The following EIF3D variants were observed in gnomAD, a reference collection of about 807,000 sequenced individuals.
EIF3D encodes eukaryotic translation initiation factor 3 subunit D.
In EIF3D, 10 loss-of-function variants were observed where a neutral mutation model predicts 75.4. The ratio of observed to expected loss-of-function variants is 0.13; its 90% CI spans 0.08 to 0.22. The LOEUF (loss-of-function observed/expected upper bound fraction) is 0.22. Ranked by LOEUF, EIF3D falls within the 10% of genes least tolerant of loss-of-function variation. The pLI is 1.00. For missense variants in EIF3D, 394 were observed against 708.0 expected (o/e 0.56, Z 5.03); for synonymous variants, 246 against 248.3 (o/e 0.99, Z 0.09).
At chr22:36,527,433 G>A (rs6000298) in intron 1 of EIF3D, among the ~76,000 whole-genome samples, 2 of 152,146 alleles carry the variant, frequency 1.3e-5, no homozygotes, top group African/African-American at 4.8e-5. Flanking sequence ...AACCGGCGCT[G>A]TATAGCAGAT....
chr22:36,528,229 A>G (rs1934637266), intron 1 of EIF3D, among the ~76,000 whole-genome samples: 1 of 152,026 alleles, frequency 6.6e-6, no homozygotes, highest in Admixed American at 6.6e-5. Flanking sequence ...TTTCCATTAT[A>G]TTACAGCTGG....
intron 9 of EIF3D, 103 bp downstream of exon 9, chr22:36,518,660 G>A: frequency 6.9e-7 from 1 of 1,448,506 alleles, no homozygotes; most frequent in Non-Finnish European, 9.4e-7. Flanking sequence ...AATTCCCTTG[G>A]GAAGACAGAC....
intron 14 of EIF3D, chr22:36,511,261 T>A: frequency 1.2e-6 from 1 of 860,992 alleles, no homozygotes; most frequent in Non-Finnish European, 1.7e-6. Context: ...ACTTCCCTCA[T>A]CTTCCTCTAC....
At chr22:36,516,632 G>C in intron 11 of EIF3D, 25 bp from the exon 12 acceptor site, 1 of 1,613,910 alleles carries the variant, frequency 6.2e-7, no homozygotes, top group South Asian at 1.1e-5. Context: ...AAACTCATGT[G>C]GTCACTGGGG....
At chr22:36,523,786 C>T (rs998283506) in intron 5 of EIF3D, 109 bp downstream of exon 5, 9 of 1,065,544 alleles carry the variant, frequency 8.4e-6, no homozygotes, top group Non-Finnish European at 1.3e-5. Context: ...AAGTATTTTC[C>T]TTTTTTGCAG....
rs781748190 is a variant in EIF3D at position 36,520,582 on chromosome 22, T to A, written c.572A>T (p.Gln191Leu). 1 of 1,610,436 alleles carries A rather than the reference T, an allele frequency of 6.2e-7. No individual in the cohort carries two copies. The highest frequency in any genetic ancestry group is 1.3e-5 in the African/African-American group (1 of 74,836). ...AGTAAAAGATGCTGCTTACATGTCC[T>A]GTGGCTCTGATACTTCCAAGTAGCG... ...KMRYLEVSEP[Q>L]DIECCGALEY... Residue 191 changes from glutamine (Q) to leucine (L), a missense_variant, in exon 7 of 15, where the codon CAG becomes CTG. Physicochemically the swap from Gln to Leu is moderately radical, Grantham distance 113. Coordinates refer to ENST00000216190, the MANE Select transcript of EIF3D (RefSeq NM_003753.4).
chr22:36,524,478 C>G (rs7364182), intron 4 of EIF3D, 118 bp downstream of exon 4: 1 of 1,448,780 alleles, frequency 6.9e-7, no homozygotes, highest in Admixed American at 2.0e-5. Context: ...CCGAGATTCA[C>G]GAAAAGACCT....
At chr22:36,516,370 T>G in intron 12 of EIF3D, 108 bp downstream of exon 12, 1 of 1,378,844 alleles carries the variant, frequency 7.3e-7, no homozygotes, top group Non-Finnish European at 9.9e-7. Context: ...GCTCTATAAG[T>G]AACGAAAGGG....
rs565981457 is a variant in EIF3D, at chr22:36,520,945, T to C, written c.466-257A>G. 4.6e-5 allele frequency among the ~76,000 whole-genome samples: 7 copies of C among 151,454 alleles called. No homozygotes were observed. In the East Asian group the frequency reaches 1.4e-3, roughly 30 times the overall value. ...CAACAACCACATAAAACGGAGGGGC[T>C]CAGTGGCCCTTTGGGAGGCCAAGGC... is the stretch of plus-strand genomic sequence containing the variant. On this transcript the variant is annotated intron_variant, in intron 6 of 14. Transcript: ENST00000216190.
chr22:36,516,806 T>C lies in EIF3D; in HGVS notation c.991-16A>G, dbSNP rs201479048. 31 of 1,612,558 alleles carry C rather than the reference T, an allele frequency of 1.9e-5. No individual in the cohort carries two copies. Among genetic ancestry groups the C allele is most frequent in the Non-Finnish European group, 2.3e-5 (27 of 1,178,678 alleles). ...TTTCCTTCCCCTGCAAAAACAAAGG[T>C]GTCACAAGACAGAGCTAACTTTGTT... On this transcript the variant is annotated splice_polypyrimidine_tract_variant and intron_variant, in intron 10 of 14. Transcript: ENST00000216190.
intron 7 of EIF3D, 95 bp from the exon 8 acceptor site, chr22:36,519,632 TAA>T (rs1934481491): frequency 1.3e-6 from 2 of 1,548,600 alleles, no homozygotes; most frequent in South Asian, 1.2e-5. Context: ...TCCAAAAGTC[TAA>T]AAGAGGTGGA....
chr22:36,523,200 A>G lies in EIF3D; in HGVS notation c.465+9T>C. 6.2e-7 allele frequency: 1 copy of G among 1,613,062 alleles called. No homozygotes were observed. Among genetic ancestry groups the G allele is most frequent in the Non-Finnish European group, 8.5e-7 (1 of 1,179,032 alleles). ...ATTCCAAGGCAGAATTCTGGTATAAATACATTACCTGTGATTTCTGATCCC... is the reference window on the plus strand; with the variant it reads ...ATTCCAAGGCAGAATTCTGGTATAAGTACATTACCTGTGATTTCTGATCCC... On this transcript the variant is annotated intron_variant, in intron 6 of 14. Transcript: ENST00000216190.
At chr22:36,524,243 T>G (rs1256978218) in intron 4 of EIF3D, among the ~76,000 whole-genome samples, 3 of 152,232 alleles carry the variant, frequency 2.0e-5, no homozygotes, top group Non-Finnish European at 4.4e-5. Context: ...AGTTTGCCTC[T>G]TTAAATAATA....
At chr22:36,525,811 A>G (rs772038236) in intron 2 of EIF3D, 102 bp from the exon 3 acceptor site, 4 of 1,513,656 alleles carry the variant, frequency 2.6e-6, no homozygotes, top group East Asian at 2.3e-5. Context: ...GAAGAGTCTC[A>G]GAATTTGTTC....
At chr22:36,514,238 A>G (rs1934387570) in intron 12 of EIF3D, among the ~76,000 whole-genome samples, 1 of 152,206 alleles carries the variant, frequency 6.6e-6, no homozygotes, top group South Asian at 2.1e-4. Context: ...AACAATGGGA[A>G]GTATAATAAA....
intron 5 of EIF3D, 23 bp from the exon 6 acceptor site, chr22:36,523,304 T>G: frequency 1.2e-6 from 2 of 1,601,732 alleles, no homozygotes; most frequent in Non-Finnish European, 1.7e-6. Flanking sequence ...ACATATGATC[T>G]CAGTGCAGAC....
chr22:36,529,094 G>A lies in EIF3D; in HGVS notation c.-29C>T. The A allele has an allele frequency of 2.5e-6, 1 of 393,262 alleles. No individual in the cohort carries two copies. The highest frequency in any genetic ancestry group is 4.5e-6 in the Non-Finnish European group (1 of 222,972). The allele number at this position is 393,262 out of a possible 1,614,324, so 24.4% of individuals were successfully genotyped here. A position where few individuals can be genotyped will look rare whatever the true frequency, so the allele number is the denominator to read the frequency against. On this transcript the variant is annotated 5_prime_UTR_variant, in exon 1 of 15. Transcript: ENST00000216190. The stretch of plus-strand genomic sequence containing the variant: ...CGCTCACCTGCAATGGCCTCGGCCG[G>A]CCGGGATGGCAACAGATGGTGCGTG...
chr22:36,527,991 G>A (rs1286541551), intron 1 of EIF3D, among the ~76,000 whole-genome samples: 1 of 152,124 alleles, frequency 6.6e-6, no homozygotes, highest in Non-Finnish European at 1.5e-5. Flanking sequence ...AGAAACTATA[G>A]GAAGAGGACA....
intron 1 of EIF3D, among the ~76,000 whole-genome samples, chr22:36,527,863 A>G (rs1023160286): frequency 6.6e-6 from 1 of 152,234 alleles, no homozygotes; most frequent in Non-Finnish European, 1.5e-5. Flanking sequence ...AAGAACAGGT[A>G]TGCTGAACTT....
Sources: allele counts gnomAD v4.1 joint callset (sites outside exome capture counted in the v4.1 genomes callset), GRCh38; gene constraint gnomAD v4.1.1; transcripts MANE v1.5; gene names NCBI Gene and HGNC (gene_info 2026-07-23, HGNC 2026-07-21).